Variants in SSH2 observed in about 807,000 individuals in gnomAD.
SSH2 encodes slingshot protein phosphatase 2.
In SSH2, 37 loss-of-function variants were observed where a neutral mutation model predicts 135.2. That is an observed-to-expected ratio of 0.27 (90% CI 0.21 to 0.36). SSH2 has a LOEUF of 0.36. Ranked by LOEUF, SSH2 falls within the 10% of genes least tolerant of loss-of-function variation. The probability of loss-of-function intolerance (pLI) is 1.00; values close to 1 mark genes in which losing one functional copy is unlikely to be tolerated. For synonymous variants in SSH2, 628 were observed against 646.2 expected (o/e 0.97, Z 0.43); for missense variants, 1,408 against 1,765.3 (o/e 0.80, Z 3.63).
chr17:29,763,132 T>C (rs2041362107), intron 3 of SSH2, among the ~76,000 whole-genome samples: 1 of 152,202 alleles, frequency 6.6e-6, no homozygotes, highest in African/African-American at 2.4e-5. Context: ...CCAGAATTAC[T>C]CGTTAGTTGA....
intron 11 of SSH2, among the ~76,000 whole-genome samples, chr17:29,656,315 T>TACAGGTGCGCGCC (rs1455348210): frequency 6.6e-6 from 1 of 152,152 alleles, no homozygotes; most frequent in East Asian, 1.9e-4. Context: ...TAGCTGGGAT[T>TACAGGTGCGCGCC]ACAGGTGCGC....
intron 1 of SSH2, among the ~76,000 whole-genome samples, chr17:29,918,076 T>C (rs2066914362): frequency 6.6e-6 from 1 of 151,816 alleles, no homozygotes; most frequent in Admixed American, 6.6e-5. Flanking sequence ...CCCAGGTACA[T>C]AGGAGGCTGA....
intron 1 of SSH2, among the ~76,000 whole-genome samples, chr17:29,926,136 T>C (rs948918664): frequency 6.6e-6 from 1 of 152,130 alleles, no homozygotes; most frequent in Admixed American, 6.5e-5. Flanking sequence ...AATCCCAGTT[T>C]GGGCATTTAT....
At chr17:29,811,088 TG>T in intron 2 of SSH2, among the ~76,000 whole-genome samples, 1 of 152,250 alleles carries the variant, frequency 6.6e-6, no homozygotes, top group Non-Finnish European at 1.5e-5. Flanking sequence ...CTCTGCCTCC[TG>T]GGTTCAAGCG....
chr17:29,702,921 A>T (rs747006610), intron 4 of SSH2, 38 bp downstream of exon 4: 1 of 1,420,054 alleles, frequency 7.0e-7, no homozygotes, highest in Non-Finnish European at 1.0e-6. Context: ...CAAAAGATAT[A>T]GTTACCAAGA....
intron 3 of SSH2, among the ~76,000 whole-genome samples, chr17:29,753,632 C>T (rs928076868): frequency 7.9e-5 from 12 of 151,162 alleles, no homozygotes; most frequent in Non-Finnish European, 1.5e-4. Context: ...CCCGTCTGTA[C>T]TAAAAATACA....
intron 1 of SSH2, among the ~76,000 whole-genome samples, chr17:29,891,540 A>G (rs2066350337): frequency 6.6e-6 from 1 of 152,100 alleles, no homozygotes; most frequent in Non-Finnish European, 1.5e-5. Context: ...GCAGCTCAAG[A>G]GCCCTAAATA....
At chr17:29,823,619 T>TG (rs760538655) in intron 2 of SSH2, among the ~76,000 whole-genome samples, 10 of 152,102 alleles carry the variant, frequency 6.6e-5, no homozygotes, top group Non-Finnish European at 1.0e-4. Context: ...GTCTCATGCC[T>TG]GTAATCCCAG....
At chr17:29,665,039 G>C (rs1329298362) in intron 11 of SSH2, among the ~76,000 whole-genome samples, 1 of 152,130 alleles carries the variant, frequency 6.6e-6, no homozygotes, top group Non-Finnish European at 1.5e-5. Context: ...AGTCACATGA[G>C]CTCCTTTTGA....
chr17:29,648,716 G>A (rs1487743318), intron 13 of SSH2, among the ~76,000 whole-genome samples: 3 of 152,272 alleles, frequency 2.0e-5, no homozygotes, highest in African/African-American at 7.2e-5. Flanking sequence ...GCAGTATGGG[G>A]CTGGGTGTGG....
At chr17:29,674,193 C>G (rs1289604091) in intron 8 of SSH2, 4 of 454,936 alleles carry the variant, frequency 8.8e-6, no homozygotes, top group African/African-American at 8.0e-5. Flanking sequence ...CAAATTTAAA[C>G]CAATTTAATC....
chr17:29,889,595 A>G (rs1182180923), intron 1 of SSH2, among the ~76,000 whole-genome samples: 1 of 152,064 alleles, frequency 6.6e-6, no homozygotes, highest in African/African-American at 2.4e-5. Context: ...CCAAATTTAA[A>G]AATTTTGTGC....
chr17:29,743,828 A>G (rs1031150524), intron 3 of SSH2, among the ~76,000 whole-genome samples: 6 of 151,356 alleles, frequency 4.0e-5, no homozygotes, highest in Admixed American at 1.3e-4. Context: ...TGAAATATGC[A>G]GTTTCTCTTA....
intron 1 of SSH2, among the ~76,000 whole-genome samples, chr17:29,856,902 T>C (rs2065672574): frequency 6.6e-6 from 1 of 152,154 alleles, no homozygotes; most frequent in Admixed American, 6.5e-5. Flanking sequence ...AAAAACTACA[T>C]AACATAAAAA....
chr17:29,906,464 A>T (rs1374179907), intron 1 of SSH2, among the ~76,000 whole-genome samples: 1 of 152,244 alleles, frequency 6.6e-6, no homozygotes, highest in Non-Finnish European at 1.5e-5. Flanking sequence ...CAAAGATTTC[A>T]TGACAAAAAC....
intron 3 of SSH2, among the ~76,000 whole-genome samples, chr17:29,753,876 C>T (rs1474078468): frequency 1.3e-5 from 2 of 150,834 alleles, no homozygotes; most frequent in Non-Finnish European, 3.0e-5. Flanking sequence ...AACATATATA[C>T]AACATTAGGT....
chr17:29,652,259 A>G (rs2036607698), intron 12 of SSH2, among the ~76,000 whole-genome samples: 1 of 152,232 alleles, frequency 6.6e-6, no homozygotes, highest in African/African-American at 2.4e-5. Flanking sequence ...ATCCAAGAGA[A>G]ATAAAAATAT....
intron 5 of SSH2, among the ~76,000 whole-genome samples, chr17:29,685,908 G>A (rs2038197067): frequency 6.6e-6 from 1 of 151,346 alleles, no homozygotes; most frequent in African/African-American, 2.4e-5. Flanking sequence ...GAGTGCAATG[G>A]TGTGATCTCG....
chr17:29,715,877 C>T (rs1420618842), intron 3 of SSH2, among the ~76,000 whole-genome samples: 1 of 152,128 alleles, frequency 6.6e-6, no homozygotes, highest in Non-Finnish European at 1.5e-5. Flanking sequence ...CAGCGGGGCA[C>T]TTAACACCTC....
Sources: allele counts gnomAD v4.1 joint callset (sites outside exome capture counted in the v4.1 genomes callset), GRCh38; gene constraint gnomAD v4.1.1; transcripts MANE v1.5; gene names NCBI Gene and HGNC (gene_info 2026-07-23, HGNC 2026-07-21).